The following GPM6A variants were observed in gnomAD, a reference collection of about 807,000 sequenced individuals.
GPM6A encodes the protein neuronal membrane glycoprotein M6-a.
Under a neutral mutation model 32.1 loss-of-function variants are expected in GPM6A, and 7 were observed. The observed-to-expected ratio is 0.22, with a 90% CI of 0.12 to 0.41. The LOEUF is 0.41. Among genes scored for constraint, GPM6A ranks in the 10% least tolerant of loss-of-function variants. GPM6A has a pLI of 1.00. For missense variants in GPM6A, 235 were observed against 347.2 expected (o/e 0.68, Z 2.57); for synonymous variants, 130 against 123.4 (o/e 1.05, Z -0.35).
intron 1 of GPM6A, among the ~76,000 whole-genome samples, chr4:175,879,878 A>C (rs1737212820): frequency 6.6e-6 from 1 of 152,208 alleles, no homozygotes; most frequent in African/African-American, 2.4e-5. Flanking sequence ...AGCCCATTTA[A>C]ACACCCACCA....
In GPM6A at chr4:176,002,307, A is replaced by C; in HGVS notation, c.-23+2T>G. The stretch of plus-strand genomic sequence containing the variant: ...GGTGTACGCGCCCGCCCGCGCACTC[A>C]CCCATGGCCCGAGGTCCTGCTTCTC... On this transcript the variant is annotated splice_donor_variant, in intron 1 of 7. Transcript: ENST00000280187. LOFTEE classifies it low-confidence loss of function (5UTR_SPLICE). 1 of 1,599,132 alleles carries C rather than the reference A, an allele frequency of 6.3e-7. No individual in the cohort carries two copies. The highest frequency in any genetic ancestry group is 1.1e-5 in the South Asian group (1 of 88,118).
At chr4:175,761,390 C>G (rs913575267) in intron 1 of GPM6A, among the ~76,000 whole-genome samples, 2 of 152,134 alleles carry the variant, frequency 1.3e-5, no homozygotes, top group African/African-American at 4.8e-5. Flanking sequence ...CCGGGCCCAG[C>G]CTAGTGCAAA....
chr4:175,834,873 G>C (rs1735716998), intron 1 of GPM6A, among the ~76,000 whole-genome samples: 1 of 152,204 alleles, frequency 6.6e-6, no homozygotes, highest in South Asian at 2.1e-4. Context: ...TTACTGGTAA[G>C]TGTATTTCTT....
At chr4:175,950,072 A>C (rs1287925162) in intron 1 of GPM6A, among the ~76,000 whole-genome samples, 1 of 152,222 alleles carries the variant, frequency 6.6e-6, no homozygotes, top group Non-Finnish European at 1.5e-5. Context: ...AAGCACACAA[A>C]GTTCTCCATT....
intron 1 of GPM6A, among the ~76,000 whole-genome samples, chr4:175,750,070 T>C (rs748262496): frequency 9.9e-4 from 151 of 152,250 alleles, no homozygotes; most frequent in Middle Eastern, 6.8e-3. Flanking sequence ...CTATTGCTTT[T>C]TTTTTTGAGA....
intron 3 of GPM6A, among the ~76,000 whole-genome samples, chr4:175,654,899 G>T (rs1182379379): frequency 6.6e-6 from 1 of 151,988 alleles, no homozygotes; most frequent in South Asian, 2.1e-4. Flanking sequence ...GCATCCTTTT[G>T]GTTGCATCCT....
At chr4:175,722,583 A>C (rs941547864) in intron 1 of GPM6A, among the ~76,000 whole-genome samples, 2 of 151,880 alleles carry the variant, frequency 1.3e-5, no homozygotes, top group Non-Finnish European at 2.9e-5. Flanking sequence ...TGGTGTCCAT[A>C]ATTTACTTTT....
intron 1 of GPM6A, among the ~76,000 whole-genome samples, chr4:175,874,161 C>T (rs909160302): frequency 2.6e-5 from 4 of 152,150 alleles, no homozygotes; most frequent in Non-Finnish European, 4.4e-5. Context: ...GAATCTCAGC[C>T]GCACATCTTC....
intron 2 of GPM6A, among the ~76,000 whole-genome samples, chr4:175,699,061 TG>T (rs936576155): frequency 2.6e-5 from 4 of 152,200 alleles, no homozygotes; most frequent in Non-Finnish European, 5.9e-5. Context: ...TTTAGCAATT[TG>T]GATGTAGTTT....
rs535969004 is a variant in GPM6A at position 175,639,553 on chromosome 4, C to A, written c.684+576G>T. 2.6e-5 allele frequency among the ~76,000 whole-genome samples: 4 copies of A among 152,240 alleles called. No homozygotes were observed. The South Asian group carries it at 6.2e-4, about 24-fold the overall frequency. ...GATATTTGGCATTCCAGTGGGCATACTGGAACTCATGCCAAGTTAGAAAGG... is the reference window on the plus strand; with the variant it reads ...GATATTTGGCATTCCAGTGGGCATAATGGAACTCATGCCAAGTTAGAAAGG... On this transcript the variant is annotated intron_variant, in intron 6 of 6. Transcript: ENST00000393658.
In GPM6A at chr4:175,716,527, C is replaced by G. The variant is rs559313115; in HGVS notation, c.38-14760G>C. Among the ~76,000 whole-genome samples, 9 of 151,552 alleles carry G rather than the reference C, an allele frequency of 5.9e-5. No individual in the cohort carries two copies. The South Asian group carries it at 1.0e-3, about 18-fold the overall frequency. On this transcript the variant is annotated intron_variant, in intron 1 of 6. Transcript: ENST00000393658. ...CATACAATAGAATGCAACAAAGTAA[C>G]TGGCAAACTTGGACTTGTATTGAAT...
At chr4:175,989,077 T>A (rs757795292) in intron 1 of GPM6A, among the ~76,000 whole-genome samples, 1 of 152,312 alleles carries the variant, frequency 6.6e-6, no homozygotes, top group African/African-American at 2.4e-5. Flanking sequence ...ATACTTCTTA[T>A]ACACATTTGC....
rs183161699 is a variant in GPM6A, at chr4:175,962,199, T to C, written c.-23+40110A>G. ...GCACCTGCTTTCTTTGCCCCTGGAG[T>C]ATTGGAGTCAGTTCATGATGGTGGA... On this transcript the variant is annotated intron_variant, in intron 1 of 7. Transcript: ENST00000280187. 2.3e-3 allele frequency: 2,746 copies of C among 1,214,828 alleles called. 7 individuals carry two copies. Among genetic ancestry groups the C allele is most frequent in the Non-Finnish European group, 2.8e-3 (2,296 of 820,846 alleles). The allele number at this position is 1,214,828 out of a possible 1,614,324, so 75.3% of individuals were successfully genotyped here.
intron 2 of GPM6A, among the ~76,000 whole-genome samples, chr4:175,698,552 T>C (rs1298013259): frequency 1.3e-5 from 2 of 152,146 alleles, no homozygotes; most frequent in African/African-American, 4.8e-5. Context: ...TCGAAACCTT[T>C]ATGTAATCTT....
intron 3 of GPM6A, among the ~76,000 whole-genome samples, chr4:175,663,853 C>T (rs1006441522): frequency 9.9e-5 from 15 of 151,946 alleles, no homozygotes; most frequent in African/African-American, 3.4e-4. Context: ...GCCACTACGC[C>T]CGGCTAATTT....
chr4:175,701,737 C>G lies in GPM6A; in HGVS notation c.68G>C (p.Gly23Ala). ...GCFECCIKCLGGIPYASLIAT... is the reference protein window; with the variant it reads ...GCFECCIKCLAGIPYASLIAT... The stretch of plus-strand genomic sequence containing the variant: ...AATCAGAGAGGCATAGGGAATGCCC[C>G]CCAGGCATTTGATACAGCATTCAAA... The change falls in exon 2 of 7, where the codon GGG (glycine) becomes GCG (alanine). Residue 23 changes from glycine to alanine, a missense_variant. By Grantham distance (60) the Gly-to-Ala change is moderately conservative. This residue lies in a region of GPM6A where 101 missense variants were observed against 171.2 expected (regional missense o/e 0.59). Transcript: ENST00000393658. The G allele has an allele frequency of 6.2e-7, 1 of 1,612,916 alleles. No homozygotes were observed. Among genetic ancestry groups the G allele is most frequent in the South Asian group, 1.1e-5 (1 of 90,984 alleles).
intron 1 of GPM6A, among the ~76,000 whole-genome samples, chr4:175,867,932 T>C (rs576178194): frequency 6.6e-6 from 1 of 152,354 alleles, no homozygotes; most frequent in South Asian, 2.1e-4. Context: ...TGCTCTCATG[T>C]ATTTCAAAAT....
At chr4:175,662,673 A>G (rs912170558) in intron 3 of GPM6A, among the ~76,000 whole-genome samples, 1 of 152,132 alleles carries the variant, frequency 6.6e-6, no homozygotes, top group African/African-American at 2.4e-5. Context: ...TTAGGTAAAT[A>G]TTAGGTAAAT....
chr4:175,909,284 A>G (rs957307898), intron 1 of GPM6A, among the ~76,000 whole-genome samples: 2 of 152,146 alleles, frequency 1.3e-5, no homozygotes, highest in African/African-American at 4.8e-5. Flanking sequence ...TTGCTAAGAC[A>G]GTCCAAATGT....
Sources: allele counts gnomAD v4.1 joint callset (sites outside exome capture counted in the v4.1 genomes callset), GRCh38; gene constraint gnomAD v4.1.1; regional missense constraint gnomAD v4.1.1; transcripts MANE v1.5; gene names NCBI Gene and HGNC (gene_info 2026-07-23, HGNC 2026-07-21).